The following GSR variants were observed in gnomAD, a reference collection of about 807,000 sequenced individuals.
GSR encodes the protein glutathione reductase, mitochondrial.
GSR carries 48 observed loss-of-function variants against 56.5 expected under a neutral mutation model. The observed-to-expected ratio is 0.85, with a 90% CI of 0.67 to 1.08. The LOEUF is 1.08. Among genes scored for constraint, GSR ranks in the 50% least tolerant of loss-of-function variants. The pLI, the probability that GSR is intolerant of heterozygous loss-of-function variation, is 0.00. For missense variants in GSR, 694 were observed against 703.3 expected, an observed-to-expected ratio of 0.99 and a Z score of 0.15; for synonymous variants, 264 against 270.8, an observed-to-expected ratio of 0.97 and a Z score of 0.25.
At chr8:30,691,541 C>G (rs1178528386) in intron 8 of GSR, among the ~76,000 whole-genome samples, 4 of 150,180 alleles carry the variant, frequency 2.7e-5, no homozygotes, top group African/African-American at 9.8e-5. Flanking sequence ...ATTAGCCAGG[C>G]ATGGTGGTGC....
intron 1 of GSR, among the ~76,000 whole-genome samples, chr8:30,714,967 T>C (rs1353919317): frequency 2.0e-5 from 3 of 152,082 alleles, no homozygotes; most frequent in East Asian, 1.9e-4. Context: ...CACAAGTACT[T>C]CATACTAAAA....
At chr8:30,692,784 G>T (rs1344880403) in intron 8 of GSR, among the ~76,000 whole-genome samples, 185 bp downstream of exon 8, 1 of 152,062 alleles carries the variant, frequency 6.6e-6, no homozygotes. Flanking sequence ...TTACAAGTGT[G>T]AGCCACCGCA....
Position 30,727,802 on chromosome 8 carries a change from C to T in GSR, c.34G>A (p.Ala12Thr). The change falls in exon 1 of 13, where the codon GCG (alanine) becomes ACG (threonine). Residue 12 changes from alanine to threonine, a missense_variant. Physicochemically the swap from Ala to Thr is moderately conservative, Grantham distance 58 (BLOSUM62 0). Transcript: ENST00000221130. ...GCCGCCCGCCGCCAGCTCGGTCCCG[C>T]GCCGGCGCTCAGGGCTCGGGGCAGC... is the stretch of plus-strand genomic sequence containing the variant. ...ALLPRALSAG[A>T]GPSWRRAARA... 1.4e-5 allele frequency: 18 copies of T among 1,313,662 alleles called. No individual in the cohort carries two copies. The highest frequency in any genetic ancestry group is 1.7e-5 in the Non-Finnish European group (18 of 1,033,182). 81.4% of individuals were successfully genotyped at this position (1,313,662 alleles called of 1,614,324 possible).
chr8:30,710,940 A>G lies in GSR; in HGVS notation c.334-1038T>C, dbSNP rs368559490. Among the ~76,000 whole-genome samples the G allele has an allele frequency of 2.4e-4, 36 of 152,154 alleles. No homozygotes were observed. The East Asian group carries it at 5.4e-3, about 23-fold the overall frequency. On this transcript the variant is annotated intron_variant, in intron 2 of 12. Coordinates refer to ENST00000221130, the MANE Select transcript of GSR (RefSeq NM_000637.5). Reference sequence around the variant, plus strand: ...CGAAATTTACCACCATAACTGGTTTAAACTACATAAAACCACCTTATAATT... The same window carrying G: ...CGAAATTTACCACCATAACTGGTTTGAACTACATAAAACCACCTTATAATT...
chr8:30,709,309 G>A (rs1408374471), intron 3 of GSR, among the ~76,000 whole-genome samples: 1 of 152,176 alleles, frequency 6.6e-6, no homozygotes, highest in African/African-American at 2.4e-5. Context: ...AGATAGCAGT[G>A]AGCTATGATT....
intron 4 of GSR, among the ~76,000 whole-genome samples, chr8:30,705,446 T>C (rs1563538114): frequency 6.6e-6 from 1 of 152,078 alleles, no homozygotes; most frequent in Non-Finnish European, 1.5e-5. Context: ...TATTTTTTAG[T>C]AGGGCTGGGG....
At chr8:30,683,062 G>A (rs1038653761) in intron 10 of GSR, among the ~76,000 whole-genome samples, 3 of 152,002 alleles carry the variant, frequency 2.0e-5, no homozygotes, top group East Asian at 3.9e-4. Context: ...TCTGGACCTC[G>A]TGATCTGCCC....
intron 6 of GSR, among the ~76,000 whole-genome samples, chr8:30,699,527 T>A (rs2128743270): frequency 6.6e-6 from 1 of 152,164 alleles, no homozygotes; most frequent in Admixed American, 6.6e-5. Context: ...TCACTGCAAC[T>A]CCGCCTTGAG....
chr8:30,688,729 G>T (rs1163643843), intron 9 of GSR, among the ~76,000 whole-genome samples: 3 of 151,738 alleles, frequency 2.0e-5, no homozygotes, highest in Non-Finnish European at 4.4e-5. Flanking sequence ...GACCAGCCTG[G>T]GCAACATGGT....
rs1554573466 is a variant in GSR, at chr8:30,711,950, G to GT, written c.333+111dup. The GT allele has an allele frequency of 2.3e-4, 155 of 678,342 alleles. 1 individual carries two copies. Among genetic ancestry groups the GT allele is most frequent in the South Asian group, 4.8e-4 (27 of 56,794 alleles). 42.0% of individuals were successfully genotyped at this position (678,342 alleles called of 1,614,324 possible). ...AAGCTACTTTTAGTAGGGTCTAGGGGTTTTTTTTGCAGAAAGAATTTTAAC... is the reference window on the plus strand; with the variant it reads ...AAGCTACTTTTAGTAGGGTCTAGGGGTTTTTTTTTGCAGAAAGAATTTTAAC... On this transcript the variant is annotated intron_variant, in intron 2 of 12. Coordinates refer to ENST00000221130, the MANE Select transcript of GSR (RefSeq NM_000637.5).
At chr8:30,720,556 T>G (rs1036401151) in intron 1 of GSR, among the ~76,000 whole-genome samples, 1 of 152,142 alleles carries the variant, frequency 6.6e-6, no homozygotes, top group African/African-American at 2.4e-5. Context: ...TGTCTGGACA[T>G]GGCCCTGTCC....
chr8:30,699,845 G>C (rs1803667739), intron 6 of GSR, among the ~76,000 whole-genome samples: 1 of 152,116 alleles, frequency 6.6e-6, no homozygotes, highest in South Asian at 2.1e-4. Flanking sequence ...ACTTTGCTAT[G>C]CAGTCTTCAA....
chr8:30,720,828 A>C (rs1276009713), intron 1 of GSR, among the ~76,000 whole-genome samples: 1 of 138,688 alleles, frequency 7.2e-6, no homozygotes, highest in Non-Finnish European at 1.6e-5. Context: ...AGATTTTTAA[A>C]AAGTGTGACT....
intron 6 of GSR, among the ~76,000 whole-genome samples, chr8:30,698,076 T>G (rs574319394): frequency 1.3e-5 from 2 of 152,128 alleles, no homozygotes; most frequent in Admixed American, 1.3e-4. Flanking sequence ...ATGCACAGTA[T>G]TCCACAAGGT....
chr8:30,726,341 C>A (rs1804723429), intron 1 of GSR, among the ~76,000 whole-genome samples: 1 of 152,196 alleles, frequency 6.6e-6, no homozygotes. Flanking sequence ...TTTAAATATT[C>A]ATCTCCAAAG....
intron 1 of GSR, among the ~76,000 whole-genome samples, chr8:30,716,643 A>G (rs1049019268): frequency 3.9e-5 from 6 of 152,184 alleles, no homozygotes; most frequent in African/African-American, 1.4e-4. Flanking sequence ...CACTGTCTCT[A>G]GAAAAAATAC....
chr8:30,680,190 T>C (rs1397906222), intron 12 of GSR, among the ~76,000 whole-genome samples: 1 of 152,038 alleles, frequency 6.6e-6, no homozygotes. Context: ...TATCCAGAAA[T>C]CATAGGCTAC....
chr8:30,710,988 A>G (rs1804123189), intron 2 of GSR, among the ~76,000 whole-genome samples: 1 of 152,130 alleles, frequency 6.6e-6, no homozygotes, highest in African/African-American at 2.4e-5. Context: ...TCATACAGTC[A>G]TAATTGCATG....
At chr8:30,724,533 C>A (rs1004145100) in intron 1 of GSR, among the ~76,000 whole-genome samples, 2 of 147,298 alleles carry the variant, frequency 1.4e-5, no homozygotes, top group East Asian at 4.0e-4. Context: ...GAATACTACC[C>A]AACCCCCCAC....
Sources: allele counts gnomAD v4.1 joint callset (sites outside exome capture counted in the v4.1 genomes callset), GRCh38; gene constraint gnomAD v4.1.1; transcripts MANE v1.5; gene names NCBI Gene and HGNC (gene_info 2026-07-23, HGNC 2026-07-21).